The following ACKR4 variants were observed in gnomAD, a reference collection of about 807,000 sequenced individuals.
ACKR4 encodes atypical chemokine receptor 4.
Under a neutral mutation model 8.5 loss-of-function variants are expected in ACKR4, and 2 were observed. That is an observed-to-expected ratio of 0.23 (90% CI 0.10 to 0.74). The LOEUF (loss-of-function observed/expected upper bound fraction) is 0.74, where lower values mean the gene tolerates loss of function less well. Among genes scored for constraint, ACKR4 ranks in the 30% least tolerant of loss-of-function variants. The probability of loss-of-function intolerance (pLI) is 0.75; values close to 1 mark genes in which losing one functional copy is unlikely to be tolerated. For missense variants in ACKR4, 167 were observed against 422.1 expected (o/e 0.40, Z 5.30); for synonymous variants, 67 against 145.0 (o/e 0.46, Z 3.86).
rs543271492 is a variant in ACKR4 at position 132,599,976 on chromosome 3, ATATACT to A, written c.-9-411_-9-406del. ...TTCGTTTTTATTCAATTTGTTGTAG[ATATACT>A]TTTACGATTCACAAAATTATGTATG... On this transcript the variant is annotated intron_variant, in intron 1 of 1. Transcript: ENST00000249887. Among the ~76,000 whole-genome samples the A allele has an allele frequency of 1.1e-3, 172 of 152,302 alleles. 1 individual carries two copies. Among genetic ancestry groups the A allele is most frequent in the Admixed American group, 4.6e-3 (70 of 15,290 alleles).
chr3:132,601,809 T>C lies in ACKR4; in HGVS notation c.*359T>C, dbSNP rs1315225267. 2 of 341,176 alleles carry C rather than the reference T, an allele frequency of 5.9e-6. No homozygotes were observed. Among genetic ancestry groups the C allele is most frequent in the Non-Finnish European group, 1.2e-5 (2 of 170,310 alleles). The allele number at this position is 341,176 out of a possible 1,614,324, so 21.1% of individuals were successfully genotyped here. ...GACACAGAACTATATACACACATTG[T>C]ACCAATTTCAATTTCCTGGTTTTGA... is the stretch of plus-strand genomic sequence containing the variant. On this transcript the variant is annotated 3_prime_UTR_variant, in exon 2 of 2. Transcript: ENST00000249887.
Position 132,600,890 on chromosome 3 carries a change from G to T in ACKR4, c.493G>T (p.Ala165Ser). The T allele has an allele frequency of 5.6e-6, 9 of 1,613,478 alleles. No homozygotes were observed. Among genetic ancestry groups the T allele is most frequent in the Non-Finnish European group, 7.6e-6 (9 of 1,179,654 alleles). Residue 165 changes from alanine to serine, a missense_variant, in exon 2 of 2, where the codon GCC (alanine) becomes TCC (serine). Ala to Ser is a moderately conservative substitution (Grantham distance 99, BLOSUM62 1). Coordinates refer to ENST00000249887, the MANE Select transcript of ACKR4 (RefSeq NM_016557.4). ...CATCTGTTTCTGTGTCTGGATGGCT[G>T]CCATCTTGCTGAGCATACCCCAGCT... is the stretch of plus-strand genomic sequence containing the variant. Reference protein sequence around the residue: ...WIICFCVWMAAILLSIPQLVF... With the variant: ...WIICFCVWMASILLSIPQLVF...
Position 132,601,210 on chromosome 3 carries a change from G to T in ACKR4, c.813G>T (p.Leu271=). ...FCRAIDIIYS[L]ITSCNMSKRM... ...GAGCCATAGACATCATCTACTCCCT[G>T]ATCACCAGCTGCAACATGAGCAAAC... The change falls in exon 2 of 2, where the codon CTG becomes CTT. Residue 271 remains leucine (L), a synonymous_variant. Coordinates refer to ENST00000249887, the MANE Select transcript of ACKR4 (RefSeq NM_016557.4). The T allele has an allele frequency of 6.2e-7, 1 of 1,613,688 alleles. No individual in the cohort carries two copies. Among genetic ancestry groups the T allele is most frequent in the Non-Finnish European group, 8.5e-7 (1 of 1,179,800 alleles).
chr3:132,600,324 T>C, intron 1 of ACKR4, 65 bp from the exon 2 acceptor site: 1 of 1,351,366 alleles, frequency 7.4e-7, no homozygotes, highest in Non-Finnish European at 1.0e-6. Flanking sequence ...AACAGCTTGA[T>C]AAAAACTGTT....
At chr3:132,598,591 C>T (rs1938417623) in intron 1 of ACKR4, among the ~76,000 whole-genome samples, 1 of 152,226 alleles carries the variant, frequency 6.6e-6, no homozygotes. Context: ...ATTGCTAATA[C>T]ATCAGGAAAG....
rs139873131 is a variant in ACKR4, at chr3:132,600,760, A to C, written c.363A>C (p.Leu121=). ...AAATAACTTCAGCCTTGTACACACT[A>C]AACTTTGTCTCTGGAATGCAGTTTC... ...MCKITSALYT[L]NFVSGMQFLA... The change falls in exon 2 of 2, where the codon CTA becomes CTC. Residue 121 remains leucine, a synonymous_variant. Coordinates refer to ENST00000249887, the MANE Select transcript of ACKR4 (RefSeq NM_016557.4). 21,495 of 1,613,588 alleles carry C rather than the reference A, an allele frequency of 0.013. 84 individuals carry two copies. The highest frequency in any genetic ancestry group is 0.016 in the Non-Finnish European group (18,511 of 1,179,504).
intron 1 of ACKR4, among the ~76,000 whole-genome samples, chr3:132,597,676 C>T (rs749621191): frequency 5.3e-4 from 81 of 151,628 alleles, no homozygotes; most frequent in Non-Finnish European, 6.0e-4. Context: ...ATATATCTGC[C>T]GGAAGGATCA....
intron 1 of ACKR4, among the ~76,000 whole-genome samples, chr3:132,599,345 A>C (rs1239556171): frequency 6.6e-6 from 1 of 151,942 alleles, no homozygotes; most frequent in Admixed American, 6.6e-5. Context: ...ATCTCTACTA[A>C]AAATAGAAAA....
intron 1 of ACKR4, among the ~76,000 whole-genome samples, chr3:132,598,949 T>C (rs1313011480): frequency 6.6e-6 from 1 of 152,106 alleles, no homozygotes; most frequent in Non-Finnish European, 1.5e-5. Context: ...TCAAATACTC[T>C]GGTGGAAGTA....
intron 1 of ACKR4, among the ~76,000 whole-genome samples, chr3:132,600,022 CTATT>C (rs755113190): frequency 8.5e-5 from 13 of 152,132 alleles, no homozygotes; most frequent in South Asian, 4.1e-4. Context: ...GATTATAACA[CTATT>C]TATTCTTTTT....
intron 1 of ACKR4, among the ~76,000 whole-genome samples, 199 bp downstream of exon 1, chr3:132,597,522 C>T (rs910767279): frequency 6.6e-6 from 1 of 150,670 alleles, no homozygotes; most frequent in South Asian, 2.1e-4. Context: ...GAAGAAAATA[C>T]GATTTTAAAT....
intron 1 of ACKR4, among the ~76,000 whole-genome samples, chr3:132,597,579 T>C (rs1325941315): frequency 1.3e-5 from 2 of 152,120 alleles, no homozygotes; most frequent in Non-Finnish European, 2.9e-5. Context: ...ATAGGTTTTA[T>C]TATACCACTT....
intron 1 of ACKR4, among the ~76,000 whole-genome samples, chr3:132,598,212 A>G (rs1009485359): frequency 6.6e-6 from 1 of 152,220 alleles, no homozygotes; most frequent in African/African-American, 2.4e-5. Context: ...AACAAAATTC[A>G]GCACTATAAT....
chr3:132,602,308 C>T lies in ACKR4; in HGVS notation c.*858C>T. 6.0e-6 allele frequency: 1 copy of T among 166,996 alleles called. No individual in the cohort carries two copies. 10.3% of individuals were successfully genotyped at this position (166,996 alleles called of 1,614,324 possible). ...AACTTTCTTACTAATAACTGGTTAT[C>T]ATGACAAATGTTAGGTTTATCATAT... On this transcript the variant is annotated 3_prime_UTR_variant, in exon 2 of 2. Transcript: ENST00000249887.
intron 1 of ACKR4, among the ~76,000 whole-genome samples, chr3:132,598,142 T>C (rs1938397704): frequency 6.6e-6 from 1 of 152,140 alleles, no homozygotes; most frequent in Non-Finnish European, 1.5e-5. Context: ...ATAAGAATAT[T>C]TGAGATACTT....
Position 132,597,795 on chromosome 3 carries a change from T to G in ACKR4, c.-10+472T>G, listed in dbSNP as rs572631764. 6.5e-4 allele frequency among the ~76,000 whole-genome samples: 99 copies of G among 152,132 alleles called. 2 individuals are homozygous for G. Among genetic ancestry groups the G allele is most frequent in the Non-Finnish European group, 9.4e-4 (64 of 68,020 alleles). ...TATATTATAATATTTGGCCATATTA[T>G]TTCTTATCATCAGGTTCAAGATTTT... is the stretch of plus-strand genomic sequence containing the variant. On this transcript the variant is annotated intron_variant, in intron 1 of 1. Transcript: ENST00000249887.
chr3:132,600,288 C>A, intron 1 of ACKR4, 101 bp from the exon 2 acceptor site: 1 of 988,614 alleles, frequency 1.0e-6, no homozygotes, highest in Non-Finnish European at 1.5e-6. Context: ...GTTACAGCAA[C>A]AGGCTATACT....
chr3:132,600,045 T>G (rs767602608), intron 1 of ACKR4, among the ~76,000 whole-genome samples: 6 of 152,224 alleles, frequency 3.9e-5, no homozygotes, highest in Non-Finnish European at 7.4e-5. Flanking sequence ...TTAGTTAAAA[T>G]CTAATTAAAT....
chr3:132,600,890 G>C lies in ACKR4; in HGVS notation c.493G>C (p.Ala165Pro). The C allele has an allele frequency of 6.2e-7, 1 of 1,613,478 alleles. No homozygotes were observed. Among genetic ancestry groups the C allele is most frequent in the Non-Finnish European group, 8.5e-7 (1 of 1,179,654 alleles). Residue 165 changes from alanine (A) to proline (P), a missense_variant, in exon 2 of 2, where the codon GCC (alanine) becomes CCC (proline). Physicochemically the swap from Ala to Pro is conservative, Grantham distance 27. Around this residue, in one of 2 missense-constraint regions of ACKR4, gnomAD observed 149 missense variants for 281.9 expected, o/e 0.53. Coordinates refer to ENST00000249887, the MANE Select transcript of ACKR4 (RefSeq NM_016557.4). ...CATCTGTTTCTGTGTCTGGATGGCT[G>C]CCATCTTGCTGAGCATACCCCAGCT... ...WIICFCVWMAAILLSIPQLVF... is the reference protein window; with the variant it reads ...WIICFCVWMAPILLSIPQLVF...
Sources: allele counts gnomAD v4.1 joint callset (sites outside exome capture counted in the v4.1 genomes callset), GRCh38; gene constraint gnomAD v4.1.1; regional missense constraint gnomAD v4.1.1; transcripts MANE v1.5; gene names NCBI Gene and HGNC (gene_info 2026-07-23, HGNC 2026-07-21).